The following JCHAIN variants were observed in gnomAD, a reference collection of about 807,000 sequenced individuals.
JCHAIN encodes the protein joining chain of multimeric IgA and IgM, also known as immunoglobulin J chain.
JCHAIN carries 5 observed loss-of-function variants against 11.1 expected under a neutral mutation model. The observed-to-expected ratio is 0.45, with a 90% CI of 0.24 to 0.95. JCHAIN has a LOEUF of 0.95. Among genes scored for constraint, JCHAIN ranks in the 40% least tolerant of loss-of-function variants. JCHAIN has a pLI of 0.21. For synonymous variants in JCHAIN, 51 were observed against 67.8 expected (o/e 0.75, Z 1.22); for missense variants, 165 against 192.7 (o/e 0.86, Z 0.85).
intron 2 of JCHAIN, among the ~76,000 whole-genome samples, chr4:70,659,660 G>A (rs545713670): frequency 2.7e-5 from 4 of 148,184 alleles, no homozygotes; most frequent in Admixed American, 6.8e-5. Flanking sequence ...TCAAGTGTTC[G>A]AGACTAGCCT....
At chr4:70,661,093 ACT>A (rs1218744407) in intron 2 of JCHAIN, among the ~76,000 whole-genome samples, 1 of 152,186 alleles carries the variant, frequency 6.6e-6, no homozygotes, top group Non-Finnish European at 1.5e-5. Flanking sequence ...AACACATTAT[ACT>A]TTTTCCATTG....
intron 2 of JCHAIN, among the ~76,000 whole-genome samples, chr4:70,657,712 G>A (rs1738975945): frequency 6.6e-6 from 1 of 152,096 alleles, no homozygotes. Flanking sequence ...CCTGGGCTAT[G>A]TAAGTTCCTT....
In JCHAIN at chr4:70,656,108, T is replaced by C; in HGVS notation, c.*221A>G. On this transcript the variant is annotated 3_prime_UTR_variant, in exon 4 of 4. Transcript: ENST00000254801. The stretch of plus-strand genomic sequence containing the variant: ...AGGTGAGCATGATAATTGGAAGATT[T>C]TGATACTTAGAGTATGAACATATAA... 2.0e-6 allele frequency: 1 copy of C among 502,826 alleles called. No individual in the cohort carries two copies. Among genetic ancestry groups the C allele is most frequent in the South Asian group, 3.0e-5 (1 of 33,088 alleles). The allele number at this position is 502,826 out of a possible 1,614,324, so 31.1% of individuals were successfully genotyped here. A position where few individuals can be genotyped will look rare whatever the true frequency, so the allele number is the denominator to read the frequency against.
At chr4:70,658,118 C>T (rs991011572) in intron 2 of JCHAIN, among the ~76,000 whole-genome samples, 6 of 152,162 alleles carry the variant, frequency 3.9e-5, no homozygotes, top group African/African-American at 1.4e-4. Context: ...GAATCCTCCC[C>T]TGTCACATAT....
Position 70,657,200 on chromosome 4 carries a change from A to G in JCHAIN, c.269+11T>C. The G allele has an allele frequency of 6.7e-7, 1 of 1,501,712 alleles. No individual in the cohort carries two copies. Among genetic ancestry groups the G allele is most frequent in the Non-Finnish European group, 9.2e-7 (1 of 1,081,794 alleles). The allele number at this position is 1,501,712 out of a possible 1,614,324, so 93.0% of individuals were successfully genotyped here. A position where few individuals can be genotyped will look rare whatever the true frequency, so the allele number is the denominator to read the frequency against. The stretch of plus-strand genomic sequence containing the variant: ...CACATCTATATTACTATGGAAAAAA[A>G]TATATCTTACAGGTCAGACAAATGG... On this transcript the variant is annotated intron_variant, in intron 3 of 3. Transcript: ENST00000254801.
rs1212469895 is a variant in JCHAIN at position 70,666,341 on chromosome 4, G to A, written c.64+86C>T. 8 of 916,786 alleles carry A rather than the reference G, an allele frequency of 8.7e-6. No individual in the cohort carries two copies. In the Admixed American group the frequency reaches 1.1e-4, roughly 13 times the overall value. 56.8% of individuals were successfully genotyped at this position (916,786 alleles called of 1,614,324 possible). On this transcript the variant is annotated intron_variant, in intron 1 of 3. Transcript: ENST00000254801. ...GTAGCTGGCTAACTGGCCAACCAAA[G>A]CATAGGCATAAATGTTTAAAACTGA... is the stretch of plus-strand genomic sequence containing the variant.
chr4:70,657,414 A>C (rs1003731478), intron 2 of JCHAIN, 123 bp from the exon 3 acceptor site: 1 of 447,634 alleles, frequency 2.2e-6, no homozygotes, highest in East Asian at 3.2e-5. Context: ...CTCTATAAGC[A>C]CTCTAGAGTA....
chr4:70,657,356 G>T, intron 2 of JCHAIN, 65 bp from the exon 3 acceptor site: 1 of 961,138 alleles, frequency 1.0e-6, no homozygotes, highest in Non-Finnish European at 1.7e-6. Context: ...TTTTGGTAAT[G>T]AGTATACGGC....
At chr4:70,661,549 G>A (rs1017098368) in intron 2 of JCHAIN, among the ~76,000 whole-genome samples, 2 of 152,146 alleles carry the variant, frequency 1.3e-5, no homozygotes, top group African/African-American at 2.4e-5. Context: ...TAGCACTCTG[G>A]GAGGCCAAGG....
At chr4:70,657,799 GGACA>G in intron 2 of JCHAIN, among the ~76,000 whole-genome samples, 1 of 152,160 alleles carries the variant, frequency 6.6e-6, no homozygotes, top group South Asian at 2.1e-4. Context: ...TATGTGAAAT[GGACA>G]GACAGATATT....
chr4:70,661,792 C>T (rs1739061795), intron 2 of JCHAIN, among the ~76,000 whole-genome samples: 1 of 151,994 alleles, frequency 6.6e-6, no homozygotes, highest in African/African-American at 2.4e-5. Context: ...AACAAGCAAA[C>T]AAAAATAAAT....
intron 2 of JCHAIN, among the ~76,000 whole-genome samples, chr4:70,661,075 A>C (rs1366937684): frequency 6.6e-6 from 1 of 152,204 alleles, no homozygotes; most frequent in Non-Finnish European, 1.5e-5. Flanking sequence ...CTTAAAACAA[A>C]ATTCTTAAAC....
At chr4:70,659,843 G>C (rs1739022405) in intron 2 of JCHAIN, among the ~76,000 whole-genome samples, 1 of 151,860 alleles carries the variant, frequency 6.6e-6, no homozygotes, top group South Asian at 2.1e-4. Context: ...TTCCAACCCG[G>C]GTGACAGAGG....
Position 70,657,452 on chromosome 4 carries a change from C to T in JCHAIN, c.189-161G>A, listed in dbSNP as rs1235112657. ...ACCGTTACTCAGATTTTTATAGTAACTTGCTATATTTTAAATATTTCTCAT... is the reference window on the plus strand; with the variant it reads ...ACCGTTACTCAGATTTTTATAGTAATTTGCTATATTTTAAATATTTCTCAT... On this transcript the variant is annotated intron_variant, in intron 2 of 3. Transcript: ENST00000254801. Among the ~76,000 whole-genome samples, 3 of 152,140 alleles carry T rather than the reference C, an allele frequency of 2.0e-5. No homozygotes were observed. In the East Asian group the frequency reaches 5.8e-4, roughly 29 times the overall value.
chr4:70,663,870 A>T (rs962527429), intron 1 of JCHAIN, among the ~76,000 whole-genome samples: 3 of 151,780 alleles, frequency 2.0e-5, no homozygotes, highest in Non-Finnish European at 4.4e-5. Flanking sequence ...AAATTACCAG[A>T]TTTTAAAAAT....
chr4:70,663,257 C>T (rs1340066373), intron 1 of JCHAIN: 1 of 152,280 alleles, frequency 6.6e-6, no homozygotes, highest in African/African-American at 2.4e-5. Context: ...GTGGCACGAT[C>T]TCAGCTCACT....
At chr4:70,661,640 A>G (rs1245853021) in intron 2 of JCHAIN, among the ~76,000 whole-genome samples, 2 of 152,134 alleles carry the variant, frequency 1.3e-5, no homozygotes, top group African/African-American at 2.4e-5. Context: ...AAAATAAAAA[A>G]TTATCCAGGT....
intron 2 of JCHAIN, among the ~76,000 whole-genome samples, chr4:70,660,435 C>T (rs1001563774): frequency 1.4e-4 from 21 of 146,574 alleles, no homozygotes; most frequent in Admixed American, 2.8e-4. Context: ...GGCTGGAGTG[C>T]AGCAATGGCA....
At chr4:70,662,686 C>T (rs758526982) in intron 1 of JCHAIN, among the ~76,000 whole-genome samples, 49 of 152,184 alleles carry the variant, frequency 3.2e-4, no homozygotes, top group Non-Finnish European at 5.3e-4. Context: ...TTAAGCAGGG[C>T]GCAGTGGCTC....
Sources: gnomAD v4.1 joint callset for allele counts (sites outside exome capture counted in the v4.1 genomes callset) on GRCh38, gnomAD v4.1.1 for gene constraint, MANE v1.5 for transcripts, NCBI Gene and HGNC (gene_info 2026-07-23, HGNC 2026-07-21) for gene names.